SPACA3: variants seen among roughly 807,000 people sequenced by gnomAD.
The protein encoded by SPACA3 is sperm acrosome membrane-associated protein 3.
Under a neutral mutation model 24.5 loss-of-function variants are expected in SPACA3, and 21 were observed. The ratio of observed to expected loss-of-function variants is 0.86; its 90% CI spans 0.61 to 1.24. The LOEUF is 1.24. Among genes scored for constraint, SPACA3 ranks in the 50% most tolerant of loss-of-function variants. SPACA3 has a pLI of 0.00. For synonymous variants in SPACA3, 115 were observed against 106.9 expected, an observed-to-expected ratio of 1.08 and a Z score of -0.47; for missense variants, 278 against 275.5, an observed-to-expected ratio of 1.01 and a Z score of -0.06.
Position 32,995,719 on chromosome 17 carries a change from T to C in SPACA3, c.343+2T>C. On this transcript the variant is annotated splice_donor_variant, in intron 2 of 4. Transcript: ENST00000269053. LOFTEE classifies it high-confidence loss of function. ...ACCGGGGATACAGCCTGGCTGACTG[T>C]GAGAACCCCTCTCCCTGGCGGGCCC... 6.2e-7 allele frequency: 1 copy of C among 1,609,790 alleles called. No individual in the cohort carries two copies. Among genetic ancestry groups the C allele is most frequent in the Non-Finnish European group, 8.5e-7 (1 of 1,176,522 alleles).
intron 1 of SPACA3, chr17:32,993,101 G>T (rs2091700665): frequency 2.7e-6 from 1 of 372,630 alleles, no homozygotes; most frequent in African/African-American, 2.2e-5. Context: ...GATGTCATGG[G>T]GAAGGAGTGA....
In SPACA3 at chr17:32,991,977, GC is replaced by G. The variant is rs1197452724; in HGVS notation, c.34+10del. ...TGCGGGGAGCACCCCTGATCAGTGA[GC>G]CCCCTTTCCCTTCTTCCTGGGGCTG... On this transcript the variant is annotated splice_donor_region_variant and intron_variant, in intron 1 of 4. Coordinates refer to ENST00000269053, the MANE Select transcript of SPACA3 (RefSeq NM_173847.5). 2 of 1,613,746 alleles carry G rather than the reference GC, an allele frequency of 1.2e-6. No homozygotes were observed.
intron 1 of SPACA3, among the ~76,000 whole-genome samples, chr17:32,994,330 C>G (rs73982366): frequency 0.01 from 1,589 of 152,154 alleles, 30 homozygotes; most frequent in African/African-American, 0.036. Flanking sequence ...TACTCACGTC[C>G]TCATTTTATA....
intron 1 of SPACA3, among the ~76,000 whole-genome samples, chr17:32,993,281 A>G (rs973471884): frequency 6.6e-5 from 10 of 152,222 alleles, no homozygotes; most frequent in Admixed American, 1.3e-4. Context: ...TCCTGCCAGT[A>G]GCTGCCTCTG....
In SPACA3 at chr17:32,995,465, A is replaced by C. The variant is rs1416185791; in HGVS notation, c.91A>C (p.Ser31Arg). The part of the protein sequence containing the change: ...PSVSGPRRLV[S>R]CLSSQSSALS... Reference sequence around the variant, plus strand: ...TGTGAGTGGACCACGGAGGCTGGTGAGCTGCCTGTCATCCCAAAGCTCAGC... The same window carrying C: ...TGTGAGTGGACCACGGAGGCTGGTGCGCTGCCTGTCATCCCAAAGCTCAGC... The change falls in exon 2 of 5, where the codon AGC becomes CGC. Residue 31 changes from serine (S) to arginine (R), a missense_variant. Physicochemically the swap from Ser to Arg is moderately radical, Grantham distance 110 (BLOSUM62 -1). Coordinates refer to ENST00000269053, the MANE Select transcript of SPACA3 (RefSeq NM_173847.5). 6.2e-7 allele frequency: 1 copy of C among 1,613,274 alleles called. No homozygotes were observed. Among genetic ancestry groups the C allele is most frequent in the African/African-American group, 1.3e-5 (1 of 74,972 alleles).
chr17:32,994,765 C>T (rs3025280), intron 1 of SPACA3, among the ~76,000 whole-genome samples: 9,640 of 152,214 alleles, frequency 0.063, 357 homozygotes, highest in African/African-American at 0.085. Context: ...TGCTGTGACA[C>T]CCAGGTGCTA....
chr17:32,997,370 T>G (rs878939137), intron 3 of SPACA3, 75 bp from the exon 4 acceptor site: 12 of 1,052,400 alleles, frequency 1.1e-5, no homozygotes, highest in East Asian at 4.8e-5. Context: ...GACAGACAGA[T>G]ACACACTCAC....
chr17:32,995,841 AG>A, intron 2 of SPACA3, 124 bp downstream of exon 2: 1 of 1,081,772 alleles, frequency 9.2e-7, no homozygotes, highest in Non-Finnish European at 1.3e-6. Context: ...TGTAAACTGA[AG>A]ATGATTTGAG....
Position 32,997,835 on chromosome 17 carries a change from C to G in SPACA3, c.*57C>G, listed in dbSNP as rs1190713157. 2.6e-6 allele frequency: 4 copies of G among 1,567,172 alleles called. No individual in the cohort carries two copies. The African/African-American group carries it at 4.1e-5, about 16-fold the overall frequency. On this transcript the variant is annotated 3_prime_UTR_variant, in exon 5 of 5. Coordinates refer to ENST00000269053, the MANE Select transcript of SPACA3 (RefSeq NM_173847.5). ...AATGTGGTTTGGTTCCTGACCTAGG[C>G]TTGGGAAGACAAGCCAGCGAATAAA...
chr17:32,994,932 C>A (rs932621084), intron 1 of SPACA3, among the ~76,000 whole-genome samples: 3 of 152,084 alleles, frequency 2.0e-5, no homozygotes, highest in African/African-American at 7.2e-5. Context: ...CTCGGGACAT[C>A]TTGGGGTCTT....
chr17:32,995,538 C>T lies in SPACA3; in HGVS notation c.164C>T (p.Ala55Val). ...TCCACCTCTGCCGCCGGCATAGAAG[C>T]CAGGAGCAGGGCTCTCAGAAGGCGG... ...GGSTSAAGIE[A>V]RSRALRRRWC... Residue 55 changes from alanine to valine, a missense_variant, in exon 2 of 5, where the codon GCC becomes GTC. Coordinates refer to ENST00000269053, the MANE Select transcript of SPACA3 (RefSeq NM_173847.5). The T allele has an allele frequency of 6.2e-7, 1 of 1,614,222 alleles. No homozygotes were observed. Among genetic ancestry groups the T allele is most frequent in the Admixed American group, 1.7e-5 (1 of 60,018 alleles).
intron 2 of SPACA3, among the ~76,000 whole-genome samples, chr17:32,996,614 C>T (rs1296390670): frequency 6.6e-6 from 1 of 152,154 alleles, no homozygotes; most frequent in African/African-American, 2.4e-5. Flanking sequence ...GGCCTGAGGC[C>T]AGCCCCAACC....
chr17:32,992,261 G>C (rs1197394642), intron 1 of SPACA3, among the ~76,000 whole-genome samples: 1 of 151,786 alleles, frequency 6.6e-6, no homozygotes. Flanking sequence ...CTACAACTTA[G>C]GGATATTAAC....
intron 2 of SPACA3, among the ~76,000 whole-genome samples, chr17:32,996,532 A>T (rs886217112): frequency 2.2e-4 from 33 of 151,808 alleles, no homozygotes; most frequent in African/African-American, 8.0e-4. Context: ...AGATTCATTC[A>T]ACAAATTTAT....
chr17:32,993,767 G>T (rs7225146), intron 1 of SPACA3, among the ~76,000 whole-genome samples: 2 of 151,760 alleles, frequency 1.3e-5, no homozygotes, highest in African/African-American at 2.4e-5. Context: ...GAGACTTGAG[G>T]GAAGGCATTT....
Position 32,995,398 on chromosome 17 carries a change from C to T in SPACA3, c.35-11C>T. 1 of 1,579,100 alleles carries T rather than the reference C, an allele frequency of 6.3e-7. No homozygotes were observed. Among genetic ancestry groups the T allele is most frequent in the Non-Finnish European group, 8.6e-7 (1 of 1,161,476 alleles). ...TTCTGCCCACCCCTTCTCTCCTCTC[C>T]CCTTTCCCAGGGGTGCACTCAAGCC... On this transcript the variant is annotated splice_polypyrimidine_tract_variant and intron_variant, in intron 1 of 4. Coordinates refer to ENST00000269053, the MANE Select transcript of SPACA3 (RefSeq NM_173847.5).
In SPACA3 at chr17:32,996,994, C is replaced by A. The variant is rs1389055598; in HGVS notation, c.495C>A (p.Tyr165Ter). 2.0e-6 allele frequency: 3 copies of A among 1,536,434 alleles called. No homozygotes were observed. The highest frequency in any genetic ancestry group is 2.6e-6 in the Non-Finnish European group (3 of 1,140,872). Reference sequence around the variant, plus strand: ...ACGTCCCCAACGTGTGCCGGATGTACTGCTCAGGTAGCTGGGCCTGGGCCC... The same window carrying A: ...ACGTCCCCAACGTGTGCCGGATGTAATGCTCAGGTAGCTGGGCCTGGGCCC... Reference protein sequence around the residue: ...TPNVPNVCRMYCSDLLNPNLK... With the variant: ...TPNVPNVCRM Residue 165 changes from tyrosine to a stop codon, truncating the protein, a stop_gained, in exon 3 of 5, where the codon TAC (tyrosine) becomes TAA (stop). Transcript: ENST00000269053. LOFTEE classifies it high-confidence loss of function.
intron 3 of SPACA3, 101 bp from the exon 4 acceptor site, chr17:32,997,344 T>TTTGTGTGTAG: frequency 1.7e-6 from 1 of 602,096 alleles, no homozygotes; most frequent in Non-Finnish European, 2.9e-6. Flanking sequence ...TGTGTGTGTG[T>TTTGTGTGTAG]AGAGAGAGAG....
At chr17:32,992,892 T>C (rs1219648746) in intron 1 of SPACA3, 1 of 470,804 alleles carries the variant, frequency 2.1e-6, no homozygotes. Flanking sequence ...ATCCAAGGTG[T>C]CACAGGGCTG....
Sources: gnomAD v4.1 joint callset for allele counts (sites outside exome capture counted in the v4.1 genomes callset) on GRCh38, gnomAD v4.1.1 for gene constraint, MANE v1.5 for transcripts, NCBI Gene and HGNC (gene_info 2026-07-23, HGNC 2026-07-21) for gene names.